The following ZNF774 variants were observed in gnomAD, a reference collection of about 807,000 sequenced individuals.
ZNF774 encodes the protein zinc finger protein 774.
Under a neutral mutation model 11.1 loss-of-function variants are expected in ZNF774, and 14 were observed. The observed-to-expected ratio is 1.26, with a 90% confidence interval of 0.83 to 1.97. The LOEUF (loss-of-function observed/expected upper bound fraction) is 1.97, where lower values mean the gene tolerates loss of function less well. ZNF774 is among the 30% of genes most tolerant of loss of function. ZNF774 has a pLI of 0.00. For synonymous variants in ZNF774, 195 were observed against 212.6 expected (o/e 0.92, Z 0.72); for missense variants, 599 against 587.0 (o/e 1.02, Z -0.21).
chr15:90,355,416 G>A (rs1299780483), intron 2 of ZNF774: 3 of 455,982 alleles, frequency 6.6e-6, no homozygotes, highest in Non-Finnish European at 8.8e-6. Context: ...TGGAAAAGGA[G>A]GTAATTTTTT....
rs761275502 is a variant in ZNF774 at position 90,360,863 on chromosome 15, G to C, written c.1032G>C (p.Glu344Asp). ...CTCACATGAGCACTCATTCAGGAGA[G>C]AGGCCTTTCAGTTGTCCTGACTGCC... ...FVAHMSTHSG[E>D]RPFSCPDCHK... The change falls in exon 4 of 4, where the codon GAG (glutamate) becomes GAC (aspartate). Residue 344 changes from glutamate to aspartate, a missense_variant. Coordinates refer to ENST00000354377, the MANE Select transcript of ZNF774 (RefSeq NM_001004309.3). The C allele has an allele frequency of 2.8e-5, 45 of 1,614,046 alleles. No individual in the cohort carries two copies. Among genetic ancestry groups the C allele is most frequent in the Non-Finnish European group, 3.6e-5 (43 of 1,180,036 alleles).
chr15:90,360,487 G>T lies in ZNF774; in HGVS notation c.656G>T (p.Ser219Ile), dbSNP rs753457615. 2 of 1,613,922 alleles carry T rather than the reference G, an allele frequency of 1.2e-6. No individual in the cohort carries two copies. The highest frequency in any genetic ancestry group is 1.7e-6 in the Non-Finnish European group (2 of 1,180,030). ...CKGCEKKFSDSSTLIKHQRTH... is the reference protein window; with the variant it reads ...CKGCEKKFSDISTLIKHQRTH... The stretch of plus-strand genomic sequence containing the variant: ...GGGTGTGAGAAGAAATTCAGCGACA[G>T]CTCAACACTCATCAAACATCAGAGA... Residue 219 changes from serine (S) to isoleucine (I), a missense_variant, in exon 4 of 4, where the codon AGC becomes ATC. By Grantham distance (142) the Ser-to-Ile change is moderately radical. Transcript: ENST00000354377.
intron 1 of ZNF774, 101 bp from the exon 2 acceptor site, chr15:90,354,541 T>G: frequency 1.4e-6 from 1 of 697,816 alleles, no homozygotes; most frequent in Non-Finnish European, 2.5e-6. Flanking sequence ...TGGTCAGGTG[T>G]GGGGGGTTGT....
intron 1 of ZNF774, among the ~76,000 whole-genome samples, chr15:90,353,246 C>A (rs1360311183): frequency 6.6e-6 from 1 of 152,160 alleles, no homozygotes; most frequent in Non-Finnish European, 1.5e-5. Context: ...GGATTACAGT[C>A]ATGAGCCACA....
Position 90,360,923 on chromosome 15 carries a change from G to T in ZNF774, c.1092G>T (p.Thr364=). 1.2e-6 allele frequency: 2 copies of T among 1,613,910 alleles called. No individual in the cohort carries two copies. Among genetic ancestry groups the T allele is most frequent in the Non-Finnish European group, 1.7e-6 (2 of 1,179,960 alleles). The part of the protein sequence containing the change: ...KSFSQSSHLV[T]HQRTHTGERP... The stretch of plus-strand genomic sequence containing the variant: ...TCAGTCAGAGCTCACATTTGGTCAC[G>T]CACCAAAGAACACACACAGGTGAGA... Residue 364 remains threonine (T), a synonymous_variant, in exon 4 of 4, where the codon ACG becomes ACT. Coordinates refer to ENST00000354377, the MANE Select transcript of ZNF774 (RefSeq NM_001004309.3).
At position 90,362,497 on chromosome 15, in the gene ZNF774, T is replaced by C. The variant is rs1430818386; in HGVS notation, c.*1214T>C. 9.9e-6 allele frequency: 15 copies of C among 1,515,308 alleles called. No individual in the cohort carries two copies. The East Asian group carries it at 3.7e-4, about 37-fold the overall frequency. The allele number at this position is 1,515,308 out of a possible 1,614,324, so 93.9% of individuals were successfully genotyped here. On this transcript the variant is annotated 3_prime_UTR_variant, in exon 4 of 4. Coordinates refer to ENST00000354377, the MANE Select transcript of ZNF774 (RefSeq NM_001004309.3). ...AACTCTTGTTTTCTAATTTGCTGGGTCATTGGCCATTTAGTTTTAGGTTAA... is the reference window on the plus strand; with the variant it reads ...AACTCTTGTTTTCTAATTTGCTGGGCCATTGGCCATTTAGTTTTAGGTTAA...
intron 2 of ZNF774, chr15:90,355,328 G>A (rs769683548): frequency 2.9e-5 from 13 of 456,024 alleles, no homozygotes; most frequent in South Asian, 2.0e-4. Flanking sequence ...TTTGACTTAT[G>A]TATTACTATC....
chr15:90,355,817 T>G (rs1759548613), intron 2 of ZNF774, among the ~76,000 whole-genome samples: 1 of 148,226 alleles, frequency 6.7e-6, no homozygotes, highest in Admixed American at 6.7e-5. Flanking sequence ...GATCACAAGG[T>G]CAGGAGATCG....
Position 90,361,171 on chromosome 15 carries a change from TCA to T in ZNF774, c.1346_1347del (p.His449ProfsTer13), listed in dbSNP as rs772375142. ...ACCTTCAATCAGCGTTCCCATTTCC[TCA>T]CACACCAGAGAACGCATACAGGAGA... On this transcript the variant is annotated frameshift_variant, in exon 4 of 4. Transcript: ENST00000354377. LOFTEE classifies it low-confidence loss of function (END_TRUNC). 1 of 1,614,196 alleles carries T rather than the reference TCA, an allele frequency of 6.2e-7. No individual in the cohort carries two copies. Among genetic ancestry groups the T allele is most frequent in the African/African-American group, 1.3e-5 (1 of 75,040 alleles).
intron 3 of ZNF774, among the ~76,000 whole-genome samples, chr15:90,359,489 C>T (rs921417471): frequency 6.6e-6 from 1 of 152,108 alleles, no homozygotes; most frequent in African/African-American, 2.4e-5. Context: ...GAGTCTCCCT[C>T]TGTCTCCCAG....
intron 1 of ZNF774, among the ~76,000 whole-genome samples, chr15:90,353,396 T>C (rs1596227759): frequency 6.6e-6 from 1 of 151,894 alleles, no homozygotes; most frequent in East Asian, 1.9e-4. Flanking sequence ...AATAATAATG[T>C]CTGTAAATAC....
chr15:90,356,532 C>G (rs1023467854), intron 2 of ZNF774, among the ~76,000 whole-genome samples: 4 of 152,116 alleles, frequency 2.6e-5, no homozygotes, highest in African/African-American at 9.7e-5. Flanking sequence ...TATACTCATT[C>G]AATAAAAAGT....
chr15:90,356,684 ATTCT>A (rs1354989691), intron 2 of ZNF774, among the ~76,000 whole-genome samples: 9 of 152,228 alleles, frequency 5.9e-5, no homozygotes, highest in Non-Finnish European at 7.3e-5. Context: ...TCAGCTGTAC[ATTCT>A]TTCTTCCATG....
At chr15:90,355,221 T>G (rs577483036) in intron 2 of ZNF774, 86 of 448,894 alleles carry the variant, frequency 1.9e-4, no homozygotes, top group African/African-American at 1.6e-3. Context: ...AGATTAATTG[T>G]TGCCTCCTTG....
chr15:90,359,517 C>T (rs946673803), intron 3 of ZNF774, among the ~76,000 whole-genome samples: 10 of 152,036 alleles, frequency 6.6e-5, no homozygotes, highest in African/African-American at 1.9e-4. Context: ...TGCAGTGACA[C>T]AATCTCTGCT....
chr15:90,354,952 GC>G (rs1217485806), intron 2 of ZNF774, among the ~76,000 whole-genome samples, 188 bp downstream of exon 2: 1 of 152,138 alleles, frequency 6.6e-6, no homozygotes, highest in African/African-American at 2.4e-5. Context: ...GTGCCACCAT[GC>G]CTAGCTAATT....
Position 90,361,345 on chromosome 15 carries a change from C to T in ZNF774, c.*62C>T, listed in dbSNP as rs1964334949. The T allele has an allele frequency of 6.6e-7, 1 of 1,513,758 alleles. No homozygotes were observed. Among genetic ancestry groups the T allele is most frequent in the African/African-American group, 1.4e-5 (1 of 71,926 alleles). 93.8% of individuals were successfully genotyped at this position (1,513,758 alleles called of 1,614,324 possible). A position where few individuals can be genotyped will look rare whatever the true frequency, so the allele number is the denominator to read the frequency against. The stretch of plus-strand genomic sequence containing the variant: ...TTTTCATTGCTACTGTCTTCAAGCA[C>T]CCCAAATAGAGAAAACCTGGGCGTC... On this transcript the variant is annotated 3_prime_UTR_variant, in exon 4 of 4. Coordinates refer to ENST00000354377, the MANE Select transcript of ZNF774 (RefSeq NM_001004309.3).
At chr15:90,360,007 T>C (rs1362991653) in intron 3 of ZNF774, 36 bp from the exon 4 acceptor site, 1 of 1,543,894 alleles carries the variant, frequency 6.5e-7, no homozygotes, top group East Asian at 2.3e-5. Context: ...TGATAACTGA[T>C]AACTTTATTC....
intron 2 of ZNF774, among the ~76,000 whole-genome samples, chr15:90,357,782 G>C (rs570020382): frequency 6.6e-6 from 1 of 152,260 alleles, no homozygotes; most frequent in African/African-American, 2.4e-5. Context: ...ATGTTGGACA[G>C]GCTGCTCTTA....
Sources: allele counts gnomAD v4.1 joint callset (sites outside exome capture counted in the v4.1 genomes callset), GRCh38; gene constraint gnomAD v4.1.1; transcripts MANE v1.5; gene names NCBI Gene and HGNC (gene_info 2026-07-23, HGNC 2026-07-21).